The following NRDE2 variants were observed in gnomAD, a reference collection of about 807,000 sequenced individuals.
NRDE2 encodes the protein NRDE-2, necessary for RNA interference, domain containing, also known as nuclear exosome regulator NRDE2.
Under a neutral mutation model 124.2 loss-of-function variants are expected in NRDE2, and 76 were observed. The observed-to-expected ratio is 0.61, with a 90% CI of 0.51 to 0.74. NRDE2 has a LOEUF of 0.74. Among genes scored for constraint, NRDE2 ranks in the 30% least tolerant of loss-of-function variants. The pLI, the probability that NRDE2 is intolerant of heterozygous loss-of-function variation, is 0.00. For missense variants in NRDE2, 1,314 were observed against 1,417.3 expected, an observed-to-expected ratio of 0.93 and a Z score of 1.17; for synonymous variants, 489 against 528.1, an observed-to-expected ratio of 0.93 and a Z score of 1.01.
At chr14:90,284,179 T>G (rs1892034137) in intron 12 of NRDE2, among the ~76,000 whole-genome samples, 1 of 152,082 alleles carries the variant, frequency 6.6e-6, no homozygotes, top group African/African-American at 2.4e-5. Flanking sequence ...AATTCTGGAA[T>G]CAAAGACAGG....
At chr14:90,287,768 T>A (rs1053790167) in intron 11 of NRDE2, among the ~76,000 whole-genome samples, 13 of 152,092 alleles carry the variant, frequency 8.5e-5, no homozygotes, top group Admixed American at 6.6e-5. Context: ...AGAGACCCTA[T>A]GAAGTAGGTT....
chr14:90,314,941 G>A (rs966198751), intron 3 of NRDE2, among the ~76,000 whole-genome samples: 4 of 151,732 alleles, frequency 2.6e-5, no homozygotes, highest in Admixed American at 6.6e-5. Flanking sequence ...AGGCAGAGGC[G>A]GGTGGATTAC....
intron 4 of NRDE2, 76 bp downstream of exon 4, chr14:90,312,318 G>A (rs1884871661): frequency 1.4e-6 from 2 of 1,393,094 alleles, no homozygotes; most frequent in Non-Finnish European, 2.0e-6. Context: ...CAGGCAGGCA[G>A]ACAGTGCCAA....
In NRDE2 at chr14:90,286,384, G is replaced by C; in HGVS notation, c.3267C>G (p.Pro1089=). The C allele has an allele frequency of 6.2e-7, 1 of 1,614,046 alleles. No homozygotes were observed. The highest frequency in any genetic ancestry group is 8.5e-7 in the Non-Finnish European group (1 of 1,179,964). The part of the protein sequence containing the change: ...AMRSDSGSQC[P]LLWRMYLNFL... Reference sequence around the variant, plus strand: ...AGTTCAAATACATCCTCCACAGCAAGGGGCACTGGCTGCCACTGTCGCTGC... The same window carrying C: ...AGTTCAAATACATCCTCCACAGCAACGGGCACTGGCTGCCACTGTCGCTGC... The change falls in exon 12 of 14, where the codon CCC becomes CCG. Residue 1089 remains proline, a synonymous_variant. Coordinates refer to ENST00000354366, the MANE Select transcript of NRDE2 (RefSeq NM_017970.4).
Position 90,288,873 on chromosome 14 carries a change from C to T in NRDE2, c.2502G>A (p.Leu834=). The T allele has an allele frequency of 6.2e-7, 1 of 1,614,190 alleles. No individual in the cohort carries two copies. The highest frequency in any genetic ancestry group is 8.5e-7 in the Non-Finnish European group (1 of 1,180,034). The change falls in exon 11 of 14, where the codon CTG becomes CTA. Residue 834 remains leucine (L), a synonymous_variant. Transcript: ENST00000354366. ...SLLYAELEVE[L]SPEVRRAATA... is the part of the protein sequence containing the mutation. ...TGGCAGCCCTTCTCACTTCTGGCGACAGCTCCACCTCCAGCTCAGCATAGA... is the reference window on the plus strand; with the variant it reads ...TGGCAGCCCTTCTCACTTCTGGCGATAGCTCCACCTCCAGCTCAGCATAGA...
chr14:90,294,458 G>A (rs1157856967), intron 8 of NRDE2, among the ~76,000 whole-genome samples: 3 of 152,144 alleles, frequency 2.0e-5, no homozygotes, highest in African/African-American at 7.2e-5. Flanking sequence ...CAACCAAAAT[G>A]TGCATTGACA....
chr14:90,278,822 G>A, intron 13 of NRDE2: 1 of 570,236 alleles, frequency 1.8e-6, no homozygotes, highest in South Asian at 2.3e-5. Flanking sequence ...CCAAATGCTG[G>A]GAAACCAGCT....
intron 8 of NRDE2, among the ~76,000 whole-genome samples, chr14:90,297,324 A>T (rs745981367): frequency 4.6e-5 from 7 of 152,136 alleles, no homozygotes; most frequent in Non-Finnish European, 8.8e-5. Flanking sequence ...TTAAAATACT[A>T]ATTACATACT....
chr14:90,278,350 G>GCAGCTC lies in NRDE2; in HGVS notation c.3475_3480dup (p.Glu1159_Leu1160dup). The GCAGCTC allele has an allele frequency of 1.2e-6, 2 of 1,614,154 alleles. No homozygotes were observed. Among genetic ancestry groups the GCAGCTC allele is most frequent in the Non-Finnish European group, 1.7e-6 (2 of 1,179,994 alleles). The stretch of plus-strand genomic sequence containing the variant: ...CCCGCTGCTCTCTAATCCTCCAGCA[G>GCAGCTC]CAGCTCCAGCTCCTCCAGCGGCAGG... On this transcript the variant is annotated inframe_insertion, in exon 14 of 14. Coordinates refer to ENST00000354366, the MANE Select transcript of NRDE2 (RefSeq NM_017970.4).
chr14:90,311,049 T>A (rs892371752), intron 4 of NRDE2, among the ~76,000 whole-genome samples: 1 of 152,182 alleles, frequency 6.6e-6, no homozygotes, highest in Non-Finnish European at 1.5e-5. Context: ...ATTGCTTATG[T>A]GGTGAGGTAT....
chr14:90,298,112 A>G, intron 8 of NRDE2, 148 bp downstream of exon 8: 1 of 830,030 alleles, frequency 1.2e-6, no homozygotes. Context: ...GGAACCCATG[A>G]CATCTACTTA....
intron 11 of NRDE2, among the ~76,000 whole-genome samples, chr14:90,286,904 G>A (rs550587913): frequency 6.6e-6 from 1 of 151,818 alleles, no homozygotes; most frequent in Non-Finnish European, 1.5e-5. Context: ...AAAATTAGCT[G>A]GTGCCTGTAG....
intron 9 of NRDE2, 101 bp from the exon 10 acceptor site, chr14:90,290,708 C>T: frequency 7.6e-7 from 1 of 1,318,540 alleles, no homozygotes; most frequent in Non-Finnish European, 1.0e-6. Context: ...CAACATTATT[C>T]AAATTAAATC....
chr14:90,270,221 T>G lies in NRDE2; in HGVS notation c.*8115A>C. ...AGGCCGCATTGACAGGAAGATTGAG[T>G]TCCCCCTGCCTGATGAAAAGACGAA... On this transcript the variant is annotated 3_prime_UTR_variant, in exon 14 of 14. Coordinates refer to ENST00000354366, the MANE Select transcript of NRDE2 (RefSeq NM_017970.4). 1 of 1,613,496 alleles carries G rather than the reference T, an allele frequency of 6.2e-7. No individual in the cohort carries two copies. Among genetic ancestry groups the G allele is most frequent in the Non-Finnish European group, 8.5e-7 (1 of 1,179,760 alleles).
intron 4 of NRDE2, among the ~76,000 whole-genome samples, chr14:90,305,150 G>A (rs1349270451): frequency 1.3e-5 from 2 of 151,160 alleles, no homozygotes; most frequent in East Asian, 2.0e-4. Context: ...TAGCCAATAA[G>A]CACATAAAAA....
chr14:90,293,069 G>A (rs1892317186), intron 8 of NRDE2, among the ~76,000 whole-genome samples, 197 bp from the exon 9 acceptor site: 1 of 152,128 alleles, frequency 6.6e-6, no homozygotes, highest in Non-Finnish European at 1.5e-5. Context: ...AGGAAGACAA[G>A]GTGATCAAAT....
intron 13 of NRDE2, chr14:90,278,709 G>A (rs1891869438): frequency 3.7e-6 from 2 of 543,980 alleles, no homozygotes; most frequent in Non-Finnish European, 3.3e-6. Flanking sequence ...AGGAATTGCT[G>A]GCCGTCGCCC....
Position 90,288,438 on chromosome 14 carries a change from CG to C in NRDE2, c.2936del (p.Pro979ArgfsTer13). 1 of 1,614,134 alleles carries C rather than the reference CG, an allele frequency of 6.2e-7. No homozygotes were observed. The highest frequency in any genetic ancestry group is 8.5e-7 in the Non-Finnish European group (1 of 1,180,036). ...AGAGTGCCTCTCGCAGAGGGGCCAG[CG>C]GGTAAACACTCACTTTCATGTGGAA... ...LRFHMKVSVY[P>X]LAPLREALSQ... On this transcript the variant is annotated frameshift_variant, in exon 11 of 14. Coordinates refer to ENST00000354366, the MANE Select transcript of NRDE2 (RefSeq NM_017970.4). LOFTEE classifies it high-confidence loss of function.
At chr14:90,278,585 T>A (rs934702649) in intron 13 of NRDE2, 124 bp from the exon 14 acceptor site, 1 of 1,200,846 alleles carries the variant, frequency 8.3e-7, no homozygotes, top group East Asian at 2.5e-5. Flanking sequence ...CGGCCCCTGC[T>A]CCCCTTGGCT....
Sources: gnomAD v4.1 joint callset for allele counts (sites outside exome capture counted in the v4.1 genomes callset) on GRCh38, gnomAD v4.1.1 for gene constraint, MANE v1.5 for transcripts, NCBI Gene and HGNC (gene_info 2026-07-23, HGNC 2026-07-21) for gene names.